Variants in AGBL3 observed in about 807,000 individuals in gnomAD.
AGBL3 encodes the protein cytosolic carboxypeptidase 3.
A neutral mutation model predicts 94.5 loss-of-function variants in AGBL3; 68 were observed. The observed-to-expected ratio is 0.72, with a 90% CI of 0.59 to 0.88. AGBL3 has a LOEUF of 0.88. Ranked by LOEUF, AGBL3 falls within the 40% of genes least tolerant of loss-of-function variation. The pLI is 0.00. For missense variants in AGBL3, 934 were observed against 1,103.8 expected, an observed-to-expected ratio of 0.85 and a Z score of 2.18; for synonymous variants, 354 against 370.7, an observed-to-expected ratio of 0.95 and a Z score of 0.52.
chr7:135,019,133 A>T (rs762206458), intron 5 of AGBL3, among the ~76,000 whole-genome samples: 5 of 152,196 alleles, frequency 3.3e-5, no homozygotes, highest in Non-Finnish European at 7.3e-5. Flanking sequence ...ACTTGGGATT[A>T]TGTTTTCAGA....
At chr7:134,994,065 A>C (rs1200734739) in intron 4 of AGBL3, among the ~76,000 whole-genome samples, 5 of 152,186 alleles carry the variant, frequency 3.3e-5, no homozygotes, top group Non-Finnish European at 7.3e-5. Context: ...AGCTTTAGCA[A>C]TTCTAAACAA....
chr7:135,118,138 A>C (rs1826589584), intron 16 of AGBL3, among the ~76,000 whole-genome samples: 2 of 151,940 alleles, frequency 1.3e-5, no homozygotes, highest in Non-Finnish European at 2.9e-5. Context: ...CTTTCTTATA[A>C]TTCTTCCCCT....
At chr7:135,011,993 G>C (rs1243604826) in intron 4 of AGBL3, 1 of 152,000 alleles carries the variant, frequency 6.6e-6, no homozygotes, top group African/African-American at 2.4e-5. Flanking sequence ...TTTCTTAATA[G>C]CCCCAAACTG....
intron 5 of AGBL3, among the ~76,000 whole-genome samples, chr7:135,023,788 A>G (rs4336554): frequency 0.93 from 141,728 of 152,272 alleles, 66,741 homozygotes; most frequent in Non-Finnish European, 1. Context: ...GCCCCTGCCT[A>G]GCTGCTCCTG....
At chr7:135,128,975 G>A in intron 16 of AGBL3, 1 of 1,587,508 alleles carries the variant, frequency 6.3e-7, no homozygotes, top group South Asian at 1.1e-5. Flanking sequence ...TGTACTTCTT[G>A]GAGTGCAGGC....
chr7:135,133,286 A>G (rs1351863955), intron 16 of AGBL3, among the ~76,000 whole-genome samples: 3 of 152,246 alleles, frequency 2.0e-5, no homozygotes, highest in African/African-American at 7.2e-5. Context: ...AAATTTTAAA[A>G]TATCTAAATG....
intron 14 of AGBL3, among the ~76,000 whole-genome samples, chr7:135,080,575 G>A (rs1820830657): frequency 6.6e-6 from 1 of 152,048 alleles, no homozygotes; most frequent in South Asian, 2.1e-4. Context: ...TGAAAGGCTT[G>A]CCCCCAAAGG....
intron 3 of AGBL3, among the ~76,000 whole-genome samples, chr7:134,993,012 C>T (rs1423767604): frequency 6.6e-6 from 1 of 152,152 alleles, no homozygotes; most frequent in African/African-American, 2.4e-5. Context: ...GGCGTGGCCC[C>T]ATACTAGTCT....
intron 13 of AGBL3, among the ~76,000 whole-genome samples, chr7:135,079,704 G>A (rs1386691780): frequency 6.6e-6 from 1 of 150,922 alleles, no homozygotes; most frequent in African/African-American, 2.4e-5. Context: ...CTGACCTCAA[G>A]TGATCTGCCC....
intron 2 of AGBL3, chr7:134,988,216 A>T: frequency 2.7e-6 from 1 of 364,832 alleles, no homozygotes; most frequent in Non-Finnish European, 5.0e-6. Context: ...TTTTGAGAAA[A>T]TATTTTAGCT....
At chr7:135,079,426 T>C (rs1820736348) in intron 13 of AGBL3, among the ~76,000 whole-genome samples, 1 of 152,120 alleles carries the variant, frequency 6.6e-6, no homozygotes, top group Admixed American at 6.6e-5. Flanking sequence ...TTTGAGCTTT[T>C]AACTCCATTT....
At chr7:135,072,458 T>C (rs1295390979) in intron 12 of AGBL3, among the ~76,000 whole-genome samples, 1 of 152,166 alleles carries the variant, frequency 6.6e-6, no homozygotes, top group Non-Finnish European at 1.5e-5. Flanking sequence ...TAAAGACACA[T>C]GCACATGTAT....
intron 15 of AGBL3, among the ~76,000 whole-genome samples, chr7:135,083,092 G>T (rs1414007516): frequency 6.6e-6 from 1 of 151,984 alleles, no homozygotes; most frequent in Non-Finnish European, 1.5e-5. Flanking sequence ...CTCATATCCA[G>T]TCAGCCACTG....
chr7:135,060,786 T>C (rs1818768689), intron 12 of AGBL3, among the ~76,000 whole-genome samples: 1 of 152,212 alleles, frequency 6.6e-6, no homozygotes, highest in Non-Finnish European at 1.5e-5. Flanking sequence ...ATTTTCTTTA[T>C]CCATTTATCT....
intron 4 of AGBL3, among the ~76,000 whole-genome samples, chr7:135,003,556 G>A (rs1399119060): frequency 6.6e-6 from 1 of 151,624 alleles, no homozygotes; most frequent in Non-Finnish European, 1.5e-5. Context: ...ATTAACTTAA[G>A]GAAGAGTAAC....
intron 11 of AGBL3, 84 bp from the exon 12 acceptor site, chr7:135,059,085 T>C (rs1818595380): frequency 1.8e-6 from 2 of 1,096,322 alleles, no homozygotes; most frequent in Non-Finnish European, 1.3e-6. Context: ...TTTTCAACCA[T>C]TCAAATAAGA....
chr7:135,076,297 ATCT>A, intron 12 of AGBL3, 97 bp from the exon 13 acceptor site: 3 of 921,748 alleles, frequency 3.3e-6, no homozygotes, highest in Admixed American at 2.5e-5. Flanking sequence ...AGTACTTCTC[ATCT>A]TCTTAGAAGT....
chr7:135,059,664 A>G (rs1340914889), intron 12 of AGBL3, among the ~76,000 whole-genome samples: 1 of 152,170 alleles, frequency 6.6e-6, no homozygotes, highest in Non-Finnish European at 1.5e-5. Flanking sequence ...TGGCTGGGGG[A>G]GATACAAAAT....
At chr7:135,071,914 G>T (rs1355069781) in intron 12 of AGBL3, among the ~76,000 whole-genome samples, 1 of 152,096 alleles carries the variant, frequency 6.6e-6, no homozygotes, top group Non-Finnish European at 1.5e-5. Flanking sequence ...TGACAAATGG[G>T]ATCTAATTAA....
Sources: allele counts gnomAD v4.1 joint callset (sites outside exome capture counted in the v4.1 genomes callset), GRCh38; gene constraint gnomAD v4.1.1; transcripts MANE v1.5; gene names NCBI Gene and HGNC (gene_info 2026-07-23, HGNC 2026-07-21).